Variants in SAXO1 observed in about 807,000 individuals in gnomAD.
SAXO1 encodes 4930500O09Rik.
SAXO1 carries 21 observed loss-of-function variants against 17.5 expected under a neutral mutation model. That is an observed-to-expected ratio of 1.20 (90% CI 0.85 to 1.72). The LOEUF (loss-of-function observed/expected upper bound fraction) is 1.72, where lower values mean the gene tolerates loss of function less well. Among genes scored for constraint, SAXO1 ranks in the 40% most tolerant of loss-of-function variants. SAXO1 has a pLI of 0.00. For missense variants in SAXO1, 843 were observed against 596.0 expected (o/e 1.41, Z -4.32); for synonymous variants, 274 against 216.5 (o/e 1.27, Z -2.33).
chr9:18,973,155 G>C (rs1833014831), intron 1 of SAXO1, among the ~76,000 whole-genome samples: 1 of 152,178 alleles, frequency 6.6e-6, no homozygotes, highest in Non-Finnish European at 1.5e-5. Context: ...CTCAAAATGA[G>C]TCAACAAAAA....
At chr9:18,994,091 T>G (rs1389658130) in intron 1 of SAXO1, among the ~76,000 whole-genome samples, 1 of 152,182 alleles carries the variant, frequency 6.6e-6, no homozygotes, top group African/African-American at 2.4e-5. Context: ...ATCAAGTCTG[T>G]TCAAATTTAC....
chr9:19,036,035 C>T (rs1835926329), upstream of SAXO1, among the ~76,000 whole-genome samples: 1 of 138,130 alleles, frequency 7.2e-6, no homozygotes, highest in Non-Finnish European at 1.5e-5. Flanking sequence ...TGTTCTCACT[C>T]ATAAGTGGGA....
intron 1 of SAXO1, among the ~76,000 whole-genome samples, chr9:19,048,822 T>A (rs1300049676): frequency 6.6e-6 from 1 of 152,202 alleles, no homozygotes; most frequent in Non-Finnish European, 1.5e-5. Context: ...GCTTTGGAAT[T>A]CTAATTATAA....
intron 1 of SAXO1, among the ~76,000 whole-genome samples, chr9:19,045,079 G>A (rs1050249140): frequency 2.0e-5 from 3 of 151,278 alleles, no homozygotes; most frequent in African/African-American, 7.3e-5. Flanking sequence ...GGGAGGCCGA[G>A]GCGGGTGGAT....
intron 1 of SAXO1, among the ~76,000 whole-genome samples, chr9:18,967,291 G>C (rs950051691): frequency 6.6e-6 from 1 of 152,228 alleles, no homozygotes; most frequent in East Asian, 1.9e-4. Flanking sequence ...GAGATCTGCT[G>C]CTCTCTTCAG....
chr9:18,984,202 T>C (rs1463846892), intron 1 of SAXO1, among the ~76,000 whole-genome samples: 1 of 152,218 alleles, frequency 6.6e-6, no homozygotes, highest in African/African-American at 2.4e-5. Context: ...GGCTTTACTG[T>C]TCCATTTATA....
chr9:18,961,579 C>G (rs940396333), intron 1 of SAXO1, among the ~76,000 whole-genome samples: 2 of 151,756 alleles, frequency 1.3e-5, no homozygotes, highest in African/African-American at 4.8e-5. Context: ...TGAGTGGGAA[C>G]ATGTGGTGTT....
intron 1 of SAXO1, chr9:19,027,591 G>GC (rs1024598552): frequency 1.4e-4 from 196 of 1,416,946 alleles, no homozygotes; most frequent in Middle Eastern, 1.9e-4. Context: ...AAGCTGACTG[G>GC]CCCCCAGCTG....
chr9:19,023,298 C>T (rs1181011482), intron 1 of SAXO1, among the ~76,000 whole-genome samples: 1 of 152,182 alleles, frequency 6.6e-6, no homozygotes, highest in East Asian at 1.9e-4. Flanking sequence ...CAGGCAAGTA[C>T]ACTTCTTCAT....
At chr9:18,933,847 C>T (rs978418095) in intron 3 of SAXO1, among the ~76,000 whole-genome samples, 3 of 152,168 alleles carry the variant, frequency 2.0e-5, no homozygotes, top group South Asian at 2.1e-4. Flanking sequence ...GAGATCAAGA[C>T]CATCCTGGCC....
rs538642114 is a variant in SAXO1, at chr9:18,967,964, G to A, written c.39-17027C>T. Among the ~76,000 whole-genome samples, 192 of 152,296 alleles carry A rather than the reference G, an allele frequency of 1.3e-3. 1 individual carries two copies. The highest frequency in any genetic ancestry group is 4.2e-3 in the African/African-American group (173 of 41,560). ...TGGGCCAGATAGCACTGTCCTTCAC[G>A]ACACAGTCCCTCACAGCCTCCGATG... On this transcript the variant is annotated intron_variant, in intron 1 of 3. Transcript: ENST00000380534.
intron 1 of SAXO1, among the ~76,000 whole-genome samples, chr9:19,000,084 C>A (rs1697280986): frequency 1.3e-5 from 2 of 149,040 alleles, no homozygotes; most frequent in Non-Finnish European, 3.0e-5. Flanking sequence ...GTGCCTCTAC[C>A]CAGCCGCCCC....
At chr9:19,042,926 C>T in intron 1 of SAXO1, among the ~76,000 whole-genome samples, 1 of 152,336 alleles carries the variant, frequency 6.6e-6, no homozygotes, top group East Asian at 1.9e-4. Context: ...AATACCCGCA[C>T]TTTGTGAGGC....
rs921511827 is a variant in SAXO1, at chr9:18,941,797, G to C, written c.261C>G (p.His87Gln). The change falls in exon 3 of 4, where the codon CAC (histidine) becomes CAG (glutamine). Residue 87 changes from histidine (H) to glutamine (Q), a missense_variant. Transcript: ENST00000380534. The part of the protein sequence containing the change: ...GPHKVAPVKV[H>Q]QYDQFVPSEE... ...CACTCGGGACGAACTGGTCATACTG[G>C]TGGACCTTCACTGGTGCCACTTTGT... The C allele has an allele frequency of 1.9e-6, 3 of 1,614,050 alleles. No individual in the cohort carries two copies. Among genetic ancestry groups the C allele is most frequent in the African/African-American group, 1.3e-5 (1 of 74,906 alleles).
At chr9:18,981,954 G>A (rs1269576114) in intron 1 of SAXO1, among the ~76,000 whole-genome samples, 3 of 152,146 alleles carry the variant, frequency 2.0e-5, no homozygotes, top group Admixed American at 6.5e-5. Flanking sequence ...GCCGGACCCT[G>A]ACACAAGAGA....
At chr9:19,028,090 G>C (rs1835584282) in intron 1 of SAXO1, 27 of 1,611,898 alleles carry the variant, frequency 1.7e-5, no homozygotes, top group Non-Finnish European at 2.2e-5. Context: ...AGGCATCCTG[G>C]AGGTCCAGGC....
In SAXO1 at chr9:18,941,777, G is replaced by C; in HGVS notation, c.281C>G (p.Pro94Arg). The C allele has an allele frequency of 3.1e-6, 5 of 1,614,064 alleles. No homozygotes were observed. The highest frequency in any genetic ancestry group is 4.2e-6 in the Non-Finnish European group (5 of 1,179,998). Reference sequence around the variant, plus strand: ...GAGCAAATCCATATTCTCTTCACTCGGGACGAACTGGTCATACTGGTGGAC... The same window carrying C: ...GAGCAAATCCATATTCTCTTCACTCCGGACGAACTGGTCATACTGGTGGAC... ...VKVHQYDQFV[P>R]SEENMDLLTT... Residue 94 changes from proline (P) to arginine (R), a missense_variant, in exon 3 of 4, where the codon CCG (proline) becomes CGG (arginine). Pro to Arg is a moderately radical substitution (Grantham distance 103). Transcript: ENST00000380534.
intron 1 of SAXO1, among the ~76,000 whole-genome samples, chr9:18,982,123 G>A (rs1176028680): frequency 6.6e-6 from 1 of 152,098 alleles, no homozygotes; most frequent in Non-Finnish European, 1.5e-5. Flanking sequence ...TGACCTGCAG[G>A]ATAGGAACTC....
At chr9:18,966,277 T>C (rs900030588) in intron 1 of SAXO1, among the ~76,000 whole-genome samples, 1 of 152,222 alleles carries the variant, frequency 6.6e-6, no homozygotes, top group Admixed American at 6.5e-5. Flanking sequence ...TGAATTTGAA[T>C]GTTGGCCTGT....
Sources: gnomAD v4.1 joint callset for allele counts (sites outside exome capture counted in the v4.1 genomes callset) on GRCh38, gnomAD v4.1.1 for gene constraint, MANE v1.5 for transcripts, NCBI Gene and HGNC (gene_info 2026-07-23, HGNC 2026-07-21) for gene names.